ARRB1: variants seen among roughly 807,000 people sequenced by gnomAD.
The protein encoded by ARRB1 is beta-arrestin-1.
ARRB1 carries 21 observed loss-of-function variants against 56.8 expected under a neutral mutation model. The observed-to-expected ratio is 0.37, with a 90% CI of 0.26 to 0.53. The LOEUF (loss-of-function observed/expected upper bound fraction) is 0.53. Among genes scored for constraint, ARRB1 ranks in the 20% least tolerant of loss-of-function variants. ARRB1 has a pLI of 0.88. For synonymous variants in ARRB1, 210 were observed against 218.6 expected, an observed-to-expected ratio of 0.96 and a Z score of 0.35; for missense variants, 424 against 553.7, an observed-to-expected ratio of 0.77 and a Z score of 2.35.
Position 75,283,948 on chromosome 11 carries a change from A to G in ARRB1, c.157+287T>C, listed in dbSNP as rs904565137. Among the ~76,000 whole-genome samples the G allele has an allele frequency of 2.0e-5, 3 of 152,114 alleles. No homozygotes were observed. In the East Asian group the frequency reaches 5.8e-4, roughly 29 times the overall value. On this transcript the variant is annotated intron_variant, in intron 4 of 15. Transcript: ENST00000420843. ...GCGCATTGATACTGCCCCGGTATCA[A>G]TGTTCTGTTCTGTTAAAGAAGAACC...
intron 1 of ARRB1, among the ~76,000 whole-genome samples, chr11:75,337,199 C>G (rs1483084211): frequency 6.6e-6 from 1 of 152,010 alleles, no homozygotes; most frequent in Non-Finnish European, 1.5e-5. Context: ...ACCTATAATC[C>G]CAACACTATG....
chr11:75,336,905 G>T (rs568062754), intron 1 of ARRB1, among the ~76,000 whole-genome samples: 27 of 152,310 alleles, frequency 1.8e-4, no homozygotes, highest in African/African-American at 6.3e-4. Flanking sequence ...CAGAGTCAGA[G>T]TTACAAGTGA....
chr11:75,348,183 A>C (rs2135008599), intron 1 of ARRB1, among the ~76,000 whole-genome samples: 2 of 152,306 alleles, frequency 1.3e-5, no homozygotes, highest in Admixed American at 1.3e-4. Flanking sequence ...TCCCCAGCCC[A>C]GGCCCCAGGC....
chr11:75,291,799 T>G (rs1946617858), intron 1 of ARRB1, among the ~76,000 whole-genome samples: 1 of 152,170 alleles, frequency 6.6e-6, no homozygotes, highest in Non-Finnish European at 1.5e-5. Flanking sequence ...AAAACAGCCA[T>G]GGACAGAGGA....
At chr11:75,333,560 G>C (rs1001404701) in intron 1 of ARRB1, among the ~76,000 whole-genome samples, 1 of 152,194 alleles carries the variant, frequency 6.6e-6, no homozygotes, top group Admixed American at 6.5e-5. Context: ...GGGACAATCA[G>C]CATGTATTGA....
At position 75,339,439 on chromosome 11, in the gene ARRB1, T is replaced by C. The variant is rs145762341; in HGVS notation, c.20+12149A>G. Among the ~76,000 whole-genome samples, 5 of 152,354 alleles carry C rather than the reference T, an allele frequency of 3.3e-5. No homozygotes were observed. In the East Asian group the frequency reaches 9.6e-4, roughly 29 times the overall value. ...TCTGCATTCCCAAGACACTCCTTACTGACAGCAGATGAAACCAGTGCCTGA... is the reference window on the plus strand; with the variant it reads ...TCTGCATTCCCAAGACACTCCTTACCGACAGCAGATGAAACCAGTGCCTGA... On this transcript the variant is annotated intron_variant, in intron 1 of 15. Coordinates refer to ENST00000420843, the MANE Select transcript of ARRB1 (RefSeq NM_004041.5).
At chr11:75,325,117 G>A (rs1023484064) in intron 1 of ARRB1, among the ~76,000 whole-genome samples, 1 of 152,162 alleles carries the variant, frequency 6.6e-6, no homozygotes, top group Admixed American at 6.5e-5. Context: ...TGACAACTGA[G>A]GCTGGCAGTG....
chr11:75,309,666 T>C (rs1383011532), intron 1 of ARRB1, among the ~76,000 whole-genome samples: 1 of 152,076 alleles, frequency 6.6e-6, no homozygotes, highest in East Asian at 1.9e-4. Context: ...GAGGAAATAA[T>C]GGGTATATGA....
At chr11:75,334,297 C>T (rs1273463617) in intron 1 of ARRB1, among the ~76,000 whole-genome samples, 2 of 115,156 alleles carry the variant, frequency 1.7e-5, no homozygotes, top group South Asian at 3.2e-4. Context: ...GGCAAGACTC[C>T]GTCTCAAACA....
chr11:75,331,577 C>A (rs1947519382), intron 1 of ARRB1, among the ~76,000 whole-genome samples: 2 of 151,922 alleles, frequency 1.3e-5, no homozygotes, highest in Admixed American at 6.6e-5. Context: ...AGCTCCCCCG[C>A]TGAACACCTT....
At chr11:75,311,272 G>T (rs1182048005) in intron 1 of ARRB1, among the ~76,000 whole-genome samples, 2 of 152,206 alleles carry the variant, frequency 1.3e-5, no homozygotes, top group Non-Finnish European at 2.9e-5. Context: ...GGAGGCACAG[G>T]TTGCAGTGAG....
At chr11:75,307,369 G>C (rs1947055872) in intron 1 of ARRB1, among the ~76,000 whole-genome samples, 1 of 152,180 alleles carries the variant, frequency 6.6e-6, no homozygotes, top group Admixed American at 6.5e-5. Flanking sequence ...CTCAAATAGG[G>C]AATCTCTCTG....
At chr11:75,305,190 C>T (rs1947001762) in intron 1 of ARRB1, among the ~76,000 whole-genome samples, 1 of 150,136 alleles carries the variant, frequency 6.7e-6, no homozygotes, top group African/African-American at 2.5e-5. Context: ...TGCCACCACG[C>T]CCACCCAGCT....
intron 1 of ARRB1, among the ~76,000 whole-genome samples, chr11:75,329,868 C>T (rs1362190203): frequency 1.3e-5 from 2 of 152,096 alleles, no homozygotes; most frequent in Admixed American, 1.3e-4. Context: ...GTAGCACATA[C>T]CTGTGCTACA....
intron 1 of ARRB1, among the ~76,000 whole-genome samples, chr11:75,301,411 A>G (rs1946902046): frequency 6.6e-6 from 1 of 152,186 alleles, no homozygotes; most frequent in South Asian, 2.1e-4. Flanking sequence ...GCCTTCGGCT[A>G]GGAGGGTAGG....
chr11:75,279,521 T>C (rs1253146116), intron 7 of ARRB1, among the ~76,000 whole-genome samples: 5 of 152,172 alleles, frequency 3.3e-5, no homozygotes, highest in Admixed American at 2.0e-4. Context: ...CTCCATTGCC[T>C]GTAACCAGGG....
chr11:75,278,496 TG>T, intron 8 of ARRB1, 112 bp downstream of exon 8: 1 of 1,452,462 alleles, frequency 6.9e-7, no homozygotes, highest in Non-Finnish European at 9.3e-7. Flanking sequence ...GTCCTTGGGC[TG>T]GGGATAGAAG....
chr11:75,286,362 G>A (rs1419617172), intron 3 of ARRB1, among the ~76,000 whole-genome samples: 2 of 143,686 alleles, frequency 1.4e-5, no homozygotes, highest in Non-Finnish European at 3.0e-5. Flanking sequence ...CTGCCTCCTG[G>A]GTTCAAGCGA....
chr11:75,326,532 A>G (rs1947436065), intron 1 of ARRB1, among the ~76,000 whole-genome samples: 1 of 152,164 alleles, frequency 6.6e-6, no homozygotes, highest in Non-Finnish European at 1.5e-5. Context: ...AACCTGCCCA[A>G]GGCCACACAG....
Sources: gnomAD v4.1 joint callset for allele counts (sites outside exome capture counted in the v4.1 genomes callset) on GRCh38, gnomAD v4.1.1 for gene constraint, MANE v1.5 for transcripts, NCBI Gene and HGNC (gene_info 2026-07-23, HGNC 2026-07-21) for gene names.